Variants in MACROD2 observed in about 807,000 individuals in gnomAD.
The protein encoded by MACROD2 is mono-ADP ribosylhydrolase 2.
A neutral mutation model predicts 70.4 loss-of-function variants in MACROD2; 36 were observed. The ratio of observed to expected loss-of-function variants is 0.51; its 90% confidence interval spans 0.39 to 0.68. The LOEUF is 0.68. Among genes scored for constraint, MACROD2 ranks in the 30% least tolerant of loss-of-function variants. MACROD2 has a pLI of 0.00. For synonymous variants in MACROD2, 172 were observed against 178.8 expected (o/e 0.96, Z 0.30); for missense variants, 496 against 538.4 (o/e 0.92, Z 0.78).
chr20:14,908,765 C>T (rs921682682), intron 5 of MACROD2, among the ~76,000 whole-genome samples: 2 of 152,046 alleles, frequency 1.3e-5, no homozygotes, highest in Non-Finnish European at 2.9e-5. Context: ...GAATTTATTG[C>T]AATATTTCAG....
At chr20:15,985,573 G>C (rs1048768025) in intron 13 of MACROD2, among the ~76,000 whole-genome samples, 1 of 152,272 alleles carries the variant, frequency 6.6e-6, no homozygotes, top group Admixed American at 6.5e-5. Context: ...AATCCTCCAC[G>C]GGGGCCTGCT....
rs571940698 is a variant in MACROD2, at chr20:14,296,146, C to A, written c.272-197333C>A. Among the ~76,000 whole-genome samples the A allele has an allele frequency of 1.8e-4, 27 of 151,878 alleles. 1 individual carries two copies. Among genetic ancestry groups the A allele is most frequent in the Middle Eastern group, 3.4e-3 (1 of 294 alleles). ...GTTGCAGAACTATTTTGCAGCCATG[C>A]CCATAGACTATGAGTCAGTTTGAAC... On this transcript the variant is annotated intron_variant, in intron 3 of 17. Coordinates refer to ENST00000684519, the MANE Select transcript of MACROD2 (RefSeq NM_001351661.2).
chr20:14,238,462 C>A (rs1466467054), intron 3 of MACROD2, among the ~76,000 whole-genome samples: 1 of 152,052 alleles, frequency 6.6e-6, no homozygotes, highest in Non-Finnish European at 1.5e-5. Flanking sequence ...TACTAATGAG[C>A]AAAAGCTGCA....
chr20:14,278,750 G>C (rs1404012447), intron 3 of MACROD2, among the ~76,000 whole-genome samples: 5 of 152,112 alleles, frequency 3.3e-5, no homozygotes, highest in African/African-American at 1.2e-4. Context: ...TGAATGAATT[G>C]CTGTCATATT....
At chr20:14,960,702 CTCAT>C (rs1350264335) in intron 5 of MACROD2, among the ~76,000 whole-genome samples, 2 of 152,114 alleles carry the variant, frequency 1.3e-5, no homozygotes, top group Admixed American at 6.5e-5. Context: ...TTTCTGGTTT[CTCAT>C]TATTTCTAGG....
chr20:15,409,739 G>A (rs1347652111), intron 6 of MACROD2, among the ~76,000 whole-genome samples: 1 of 152,212 alleles, frequency 6.6e-6, no homozygotes, highest in Non-Finnish European at 1.5e-5. Flanking sequence ...CTGATGGACT[G>A]CATGAGCACA....
chr20:15,278,063 C>T (rs1022589851), intron 6 of MACROD2, among the ~76,000 whole-genome samples: 1 of 152,164 alleles, frequency 6.6e-6, no homozygotes, highest in Admixed American at 6.5e-5. Flanking sequence ...GAATAAAAAA[C>T]CTCAGGGTCC....
chr20:15,142,817 C>T (rs2076202346), intron 5 of MACROD2, among the ~76,000 whole-genome samples: 1 of 152,100 alleles, frequency 6.6e-6, no homozygotes, highest in South Asian at 2.1e-4. Flanking sequence ...CAGCTTCATC[C>T]ATGTCCCTAC....
At position 15,937,498 on chromosome 20, in the gene MACROD2, G is replaced by T. The variant is rs1204729703; in HGVS notation, c.861G>T (p.Val287=). 1.2e-6 allele frequency: 2 copies of T among 1,613,360 alleles called. No homozygotes were observed. Among genetic ancestry groups the T allele is most frequent in the South Asian group, 1.1e-5 (1 of 91,072 alleles). The change falls in exon 12 of 18, where the codon GTG becomes GTT. Residue 287 remains valine (V), a synonymous_variant. Coordinates refer to ENST00000684519, the MANE Select transcript of MACROD2 (RefSeq NM_001351661.2). ...QDADGVNTVT[V]PGPASEEAVE... is the part of the protein sequence containing the mutation. ...TAGATGGTGTCAACACTGTCACTGT[G>T]CCCGGCCCTGCTTCAGAAGAGGCAG... is the stretch of plus-strand genomic sequence containing the variant.
chr20:15,161,659 C>T (rs779253323), intron 5 of MACROD2, among the ~76,000 whole-genome samples: 15 of 151,960 alleles, frequency 9.9e-5, no homozygotes, highest in Non-Finnish European at 1.6e-4. Flanking sequence ...GGTTCAGCTG[C>T]ATTATCTCAC....
intron 9 of MACROD2, among the ~76,000 whole-genome samples, chr20:15,864,371 A>G (rs2064464252): frequency 6.6e-6 from 1 of 152,126 alleles, no homozygotes; most frequent in South Asian, 2.1e-4. Flanking sequence ...TGTGAAGCAA[A>G]TATTCTCATG....
chr20:15,364,228 G>C (rs2078385951), intron 6 of MACROD2, among the ~76,000 whole-genome samples: 1 of 152,158 alleles, frequency 6.6e-6, no homozygotes, highest in Non-Finnish European at 1.5e-5. Context: ...TCTTACTCTT[G>C]CTGCATTCCT....
At chr20:15,951,135 G>T (rs543153786) in intron 12 of MACROD2, among the ~76,000 whole-genome samples, 2 of 152,190 alleles carry the variant, frequency 1.3e-5, no homozygotes, top group Non-Finnish European at 2.9e-5. Flanking sequence ...TGAATTTATG[G>T]TTATGGAGTG....
At chr20:15,051,437 G>T (rs2075440251) in intron 5 of MACROD2, among the ~76,000 whole-genome samples, 1 of 150,846 alleles carries the variant, frequency 6.6e-6, no homozygotes, top group East Asian at 1.9e-4. Context: ...TAGAACTGGG[G>T]ACTGGCAAGC....
chr20:15,859,135 ATATATT>A (rs1188054952), intron 8 of MACROD2, among the ~76,000 whole-genome samples: 1 of 152,182 alleles, frequency 6.6e-6, no homozygotes, highest in African/African-American at 2.4e-5. Flanking sequence ...GGAAGAGAAA[ATATATT>A]TACTGTTCAT....
intron 6 of MACROD2, among the ~76,000 whole-genome samples, chr20:15,275,340 A>T (rs1170655457): frequency 6.6e-6 from 1 of 152,250 alleles, no homozygotes; most frequent in Non-Finnish European, 1.5e-5. Flanking sequence ...CATAGTTTTC[A>T]TCCTAACAAC....
intron 5 of MACROD2, among the ~76,000 whole-genome samples, chr20:14,927,128 C>T (rs903580531): frequency 3.3e-5 from 5 of 152,140 alleles, no homozygotes; most frequent in Admixed American, 6.5e-5. Context: ...TTCCTGAAAA[C>T]ATATCGAGTG....
At chr20:15,857,869 G>A (rs762842820) in intron 8 of MACROD2, among the ~76,000 whole-genome samples, 13 of 152,138 alleles carry the variant, frequency 8.5e-5, no homozygotes, top group Non-Finnish European at 1.5e-4. Flanking sequence ...GACAGGCCTA[G>A]AAACTCAATT....
chr20:14,022,102 G>A (rs1293061858), intron 2 of MACROD2, among the ~76,000 whole-genome samples: 2 of 152,186 alleles, frequency 1.3e-5, no homozygotes, highest in East Asian at 3.9e-4. Context: ...ACTGGAAAGT[G>A]ATTTTGGCGA....
Sources: allele counts gnomAD v4.1 joint callset (sites outside exome capture counted in the v4.1 genomes callset), GRCh38; gene constraint gnomAD v4.1.1; transcripts MANE v1.5; gene names NCBI Gene and HGNC (gene_info 2026-07-23, HGNC 2026-07-21).